CFAP20DC: variants seen among roughly 807,000 people sequenced by gnomAD.
The protein encoded by CFAP20DC is CFAP20 domain containing, also known as protein CFAP20DC.
In CFAP20DC, 84 loss-of-function variants were observed where a neutral mutation model predicts 101.7. That is an observed-to-expected ratio of 0.83 (90% CI 0.69 to 0.99). CFAP20DC has a LOEUF of 0.99. CFAP20DC is among the 50% of genes least tolerant of loss of function. The probability of loss-of-function intolerance (pLI) is 0.00; values close to 1 mark genes in which losing one functional copy is unlikely to be tolerated. For missense variants in CFAP20DC, 1,007 were observed against 970.3 expected, an observed-to-expected ratio of 1.04 and a Z score of -0.50; for synonymous variants, 359 against 351.2, an observed-to-expected ratio of 1.02 and a Z score of -0.25.
chr3:58,931,120 T>A (rs1026570337), intron 5 of CFAP20DC, among the ~76,000 whole-genome samples: 1 of 151,990 alleles, frequency 6.6e-6, no homozygotes, highest in Admixed American at 6.6e-5. Flanking sequence ...GGAGATTATA[T>A]CACACACCTG....
At chr3:58,748,427 G>C (rs565481894) in intron 16 of CFAP20DC, among the ~76,000 whole-genome samples, 2 of 152,182 alleles carry the variant, frequency 1.3e-5, no homozygotes, top group African/African-American at 4.8e-5. Context: ...AATGTGTTTC[G>C]CTCTACTGGA....
chr3:58,807,466 T>A (rs1433773167), intron 14 of CFAP20DC, among the ~76,000 whole-genome samples: 1 of 152,142 alleles, frequency 6.6e-6, no homozygotes, highest in Non-Finnish European at 1.5e-5. Flanking sequence ...GGGTCTGGAG[T>A]GGACCTCTAG....
chr3:58,969,746 A>G (rs1559917511), intron 4 of CFAP20DC, among the ~76,000 whole-genome samples: 1 of 152,188 alleles, frequency 6.6e-6, no homozygotes, highest in East Asian at 1.9e-4. Context: ...ATAAACCTTG[A>G]AAACATTATG....
chr3:58,951,471 A>G (rs1355779506), intron 4 of CFAP20DC, among the ~76,000 whole-genome samples: 9 of 152,190 alleles, frequency 5.9e-5, no homozygotes, highest in Non-Finnish European at 1.2e-4. Flanking sequence ...TGTTTATTGC[A>G]GCACTATTCA....
chr3:58,878,738 G>A (rs138908944), intron 7 of CFAP20DC, among the ~76,000 whole-genome samples: 98 of 152,144 alleles, frequency 6.4e-4, no homozygotes, highest in African/African-American at 2.2e-3. Flanking sequence ...TGTGCTGGGC[G>A]GGGTGGCTCA....
intron 4 of CFAP20DC, among the ~76,000 whole-genome samples, chr3:58,962,153 C>A (rs1413697038): frequency 6.6e-6 from 1 of 152,090 alleles, no homozygotes; most frequent in Admixed American, 6.6e-5. Context: ...GAATTTACAG[C>A]TCCAAGTTTC....
At chr3:58,772,168 G>T (rs1038700868) in intron 15 of CFAP20DC, among the ~76,000 whole-genome samples, 1 of 152,026 alleles carries the variant, frequency 6.6e-6, no homozygotes, top group Non-Finnish European at 1.5e-5. Flanking sequence ...TGCCTCAAGG[G>T]TCTTACACTC....
rs1462503083 is a variant in CFAP20DC, at chr3:58,864,628, A to T, written c.1259-736T>A. Among the ~76,000 whole-genome samples, 3 of 152,206 alleles carry T rather than the reference A, an allele frequency of 2.0e-5. No individual in the cohort carries two copies. The highest frequency in any genetic ancestry group is 1.3e-4 in the Admixed American group (2 of 15,282). ...AGTACTTAACCAGCTTCTTTAAAAA[A>T]ATATCTGGTCTTAATTCAGATTACA... is the stretch of plus-strand genomic sequence containing the variant. On this transcript the variant is annotated intron_variant, in intron 11 of 16. Coordinates refer to ENST00000482387, the MANE Select transcript of CFAP20DC (RefSeq NM_001394063.1). The surrounding 1 kb of genome is among the most constrained non-coding windows in gnomAD (Gnocchi z 4.7).
At chr3:58,738,433 A>G (rs1343727430), downstream of CFAP20DC, among the ~76,000 whole-genome samples, 1 of 152,128 alleles carries the variant, frequency 6.6e-6, no homozygotes, top group Admixed American at 6.5e-5. The surrounding 1 kb of genome is among the most constrained non-coding windows in gnomAD (Gnocchi z 4.4). Flanking sequence ...AAGTTAGAAC[A>G]TGCATGTTTA....
At position 58,864,006 on chromosome 3, in the gene CFAP20DC, G is replaced by A. The variant is rs1370223713; in HGVS notation, c.1259-114C>T. 2 of 1,035,450 alleles carry A rather than the reference G, an allele frequency of 1.9e-6. No homozygotes were observed. The highest frequency in any genetic ancestry group is 2.7e-6 in the Non-Finnish European group (2 of 739,940). The allele number at this position is 1,035,450 out of a possible 1,614,324, so 64.1% of individuals were successfully genotyped here. ...ACAGTCTCACTCTGCCGCCTAGGCT[G>A]CAGTGCAGTCACGCGATCTCGGCTC... On this transcript the variant is annotated intron_variant, in intron 11 of 16. Transcript: ENST00000482387. The surrounding 1 kb of genome is among the most constrained non-coding windows in gnomAD (Gnocchi z 4.7).
At chr3:58,747,269 A>G (rs1281282931) in intron 16 of CFAP20DC, among the ~76,000 whole-genome samples, 1 of 152,226 alleles carries the variant, frequency 6.6e-6, no homozygotes, top group Non-Finnish European at 1.5e-5. Flanking sequence ...GTTAACGGCA[A>G]TAACAGAAGA....
chr3:58,920,072 CTTTTTTTTTTTTTTT>C (rs71091396), intron 5 of CFAP20DC, among the ~76,000 whole-genome samples: 1 of 46,806 alleles, frequency 2.1e-5, no homozygotes, highest in South Asian at 1.1e-3. Context: ...GGTGGATATT[CTTTTTTTTTTTTTTT>C]TTTTTTTTTT....
chr3:58,718,854 A>G (rs535889996), intron 3 of CFAP20DC, among the ~76,000 whole-genome samples: 5 of 152,298 alleles, frequency 3.3e-5, no homozygotes, highest in Non-Finnish European at 7.4e-5. Flanking sequence ...CCAGAAGGCT[A>G]ATTAATCTGG....
intron 6 of CFAP20DC, among the ~76,000 whole-genome samples, chr3:58,885,341 C>G (rs2081538832): frequency 6.6e-6 from 1 of 151,732 alleles, no homozygotes; most frequent in Non-Finnish European, 1.5e-5. Flanking sequence ...TATTAATTGT[C>G]TCTTAAAAAT....
rs1237921190 is a variant in CFAP20DC, at chr3:58,724,067, GT to G, written c.198-6440del. Among the ~76,000 whole-genome samples the G allele has an allele frequency of 6.6e-6, 1 of 152,172 alleles. No homozygotes were observed. Among genetic ancestry groups the G allele is most frequent in the Admixed American group, 6.5e-5 (1 of 15,280 alleles). ...AAATCCTTCATTCCAGGATGCTGAGGTTTAATCCCTTTGAAAGGAGGGTGCT... is the reference window on the plus strand; with the variant it reads ...AAATCCTTCATTCCAGGATGCTGAGGTTAATCCCTTTGAAAGGAGGGTGCT... On this transcript the variant is annotated intron_variant, in intron 3 of 3. Transcript: ENST00000486145. The surrounding 1 kb of genome is among the most constrained non-coding windows in gnomAD (Gnocchi z 5.6).
chr3:58,742,483 C>G lies in CFAP20DC; in HGVS notation c.2422G>C (p.Gly808Arg), dbSNP rs1335113914. ...CLNCYFDPQT[G>R]KYYELV The stretch of plus-strand genomic sequence containing the variant: ...CATTATACCAACTCATAGTATTTCC[C>G]TGTTTGGGGGTCAAAGTAACAGTTC... The change falls in exon 17 of 17, where the codon GGG becomes CGG. Residue 808 changes from glycine to arginine, a missense_variant. Coordinates refer to ENST00000482387, the MANE Select transcript of CFAP20DC (RefSeq NM_001394063.1). The G allele has an allele frequency of 6.2e-7, 1 of 1,606,614 alleles. No individual in the cohort carries two copies. Among genetic ancestry groups the G allele is most frequent in the South Asian group, 1.1e-5 (1 of 89,442 alleles).
At chr3:58,846,696 C>T (rs1403179854) in intron 13 of CFAP20DC, among the ~76,000 whole-genome samples, 5 of 151,308 alleles carry the variant, frequency 3.3e-5, no homozygotes, top group African/African-American at 7.3e-5. Flanking sequence ...AAAAAGAGCC[C>T]GCATCGCCAA....
downstream of CFAP20DC, among the ~76,000 whole-genome samples, chr3:58,741,741 C>T (rs986351731): frequency 1.3e-5 from 2 of 151,966 alleles, no homozygotes; most frequent in Non-Finnish European, 2.9e-5. Flanking sequence ...CGTGATTCAC[C>T]CACCTCTGCC....
intron 13 of CFAP20DC, among the ~76,000 whole-genome samples, chr3:58,838,636 A>G (rs1444638953): frequency 1.3e-5 from 2 of 152,216 alleles, no homozygotes; most frequent in Non-Finnish European, 2.9e-5. Context: ...TTTATATAGA[A>G]TAACTTTTTA....
Sources: allele counts gnomAD v4.1 joint callset (sites outside exome capture counted in the v4.1 genomes callset), GRCh38; gene constraint gnomAD v4.1.1; non-coding constraint Gnocchi (gnomAD v3.1); transcripts MANE v1.5; gene names NCBI Gene and HGNC (gene_info 2026-07-23, HGNC 2026-07-21).